The following TAF4B variants were observed in gnomAD, a reference collection of about 807,000 sequenced individuals.
The protein encoded by TAF4B is transcription initiation factor TFIID subunit 4B.
TAF4B carries 38 observed loss-of-function variants against 86.4 expected under a neutral mutation model. That is an observed-to-expected ratio of 0.44 (90% confidence interval 0.34 to 0.58). The LOEUF (loss-of-function observed/expected upper bound fraction) is 0.58. Ranked by LOEUF, TAF4B falls within the 20% of genes least tolerant of loss-of-function variation. The pLI is 0.02. For synonymous variants in TAF4B, 388 were observed against 391.2 expected, an observed-to-expected ratio of 0.99 and a Z score of 0.10; for missense variants, 988 against 1,027.6, an observed-to-expected ratio of 0.96 and a Z score of 0.53.
intron 13 of TAF4B, among the ~76,000 whole-genome samples, chr18:26,355,069 G>A (rs2057277026): frequency 6.6e-6 from 1 of 152,000 alleles, no homozygotes; most frequent in African/African-American, 2.4e-5. Context: ...TCTTTCATAG[G>A]CATTTTGTGA....
Position 26,226,891 on chromosome 18 carries a change from T to C in TAF4B, c.-43T>C, listed in dbSNP as rs2055583350. On this transcript the variant is annotated 5_prime_UTR_variant, in exon 1 of 15. Transcript: ENST00000269142. ...GCGCCAAGCCTCCCCTCACCTCTGC[T>C]CCCGGAACCGCAGCGCCAAAGCTGC... 2.2e-6 allele frequency: 3 copies of C among 1,338,142 alleles called. No homozygotes were observed. The highest frequency in any genetic ancestry group is 2.9e-6 in the Non-Finnish European group (3 of 1,049,560). 82.9% of individuals were successfully genotyped at this position (1,338,142 alleles called of 1,614,324 possible).
At chr18:26,303,340 C>T (rs1347011520) in intron 9 of TAF4B, among the ~76,000 whole-genome samples, 2 of 138,482 alleles carry the variant, frequency 1.4e-5, no homozygotes, top group African/African-American at 5.4e-5. Flanking sequence ...ACCTCCTCCA[C>T]TTTCATACCC....
At chr18:26,276,654 A>G (rs545226146) in intron 5 of TAF4B, among the ~76,000 whole-genome samples, 1 of 152,288 alleles carries the variant, frequency 6.6e-6, no homozygotes, top group African/African-American at 2.4e-5. Context: ...TTTATTACAG[A>G]TGTCTAAAAT....
intron 1 of TAF4B, among the ~76,000 whole-genome samples, chr18:26,234,910 G>GA (rs1315180286): frequency 6.6e-6 from 1 of 152,218 alleles, no homozygotes; most frequent in Non-Finnish European, 1.5e-5. Flanking sequence ...TCCAGACAGT[G>GA]AGATCCTTTC....
intron 1 of TAF4B, among the ~76,000 whole-genome samples, chr18:26,235,405 A>G (rs1202154216): frequency 6.6e-6 from 1 of 152,180 alleles, no homozygotes; most frequent in Non-Finnish European, 1.5e-5. Flanking sequence ...GGCTAAGATT[A>G]GGCGTAGATA....
chr18:26,315,541 TA>T, intron 10 of TAF4B, 143 bp downstream of exon 10: 1 of 527,692 alleles, frequency 1.9e-6, no homozygotes, highest in Non-Finnish European at 3.1e-6. Flanking sequence ...TCATGGGCAT[TA>T]CAGAAAGAAG....
At chr18:26,246,273 T>C (rs2055922645) in intron 1 of TAF4B, among the ~76,000 whole-genome samples, 1 of 152,206 alleles carries the variant, frequency 6.6e-6, no homozygotes, top group Admixed American at 6.5e-5. Flanking sequence ...TGAATGACTA[T>C]GTCTAAGAAG....
intron 1 of TAF4B, among the ~76,000 whole-genome samples, chr18:26,236,435 T>C (rs1349868410): frequency 6.6e-6 from 1 of 152,188 alleles, no homozygotes. Flanking sequence ...GTGAGGATGA[T>C]GACATGAGCT....
intron 1 of TAF4B, among the ~76,000 whole-genome samples, chr18:26,252,682 C>T (rs1036462397): frequency 2.0e-5 from 3 of 152,024 alleles, no homozygotes; most frequent in Non-Finnish European, 4.4e-5. Flanking sequence ...TGTTATAGTA[C>T]ACAGTATTAC....
chr18:26,296,643 C>T (rs966815046), intron 9 of TAF4B, among the ~76,000 whole-genome samples: 1 of 152,066 alleles, frequency 6.6e-6, no homozygotes, highest in African/African-American at 2.4e-5. Flanking sequence ...AAAGCTAAAC[C>T]CATGTACCAA....
At chr18:26,265,556 A>C (rs1047757458) in intron 2 of TAF4B, among the ~76,000 whole-genome samples, 1 of 152,166 alleles carries the variant, frequency 6.6e-6, no homozygotes, top group Non-Finnish European at 1.5e-5. Context: ...TCAGAGGGCT[A>C]TCTGCATCTT....
intron 2 of TAF4B, among the ~76,000 whole-genome samples, chr18:26,265,755 C>T (rs1004663685): frequency 5.9e-5 from 9 of 152,132 alleles, no homozygotes; most frequent in Admixed American, 6.5e-5. Context: ...GGTAGCATGT[C>T]GCTTTGTTGC....
intron 9 of TAF4B, chr18:26,295,227 A>G: frequency 2.4e-6 from 1 of 411,028 alleles, no homozygotes; most frequent in Non-Finnish European, 4.9e-6. Context: ...TAAAATGTTC[A>G]CCATCGGTCT....
intron 3 of TAF4B, among the ~76,000 whole-genome samples, chr18:26,269,599 C>T (rs190577228): frequency 1.3e-5 from 2 of 152,146 alleles, no homozygotes; most frequent in East Asian, 1.9e-4. Context: ...ATACTGCTCA[C>T]GTTCTTTTCA....
intron 14 of TAF4B, among the ~76,000 whole-genome samples, chr18:26,387,307 G>A (rs148675219): frequency 1.3e-5 from 2 of 152,098 alleles, no homozygotes; most frequent in African/African-American, 2.4e-5. Context: ...GACCTCAAGC[G>A]ATTTGCTTGC....
rs529153075 is a variant in TAF4B at position 26,352,473 on chromosome 18, C to T, written c.2317-5217C>T. Among the ~76,000 whole-genome samples the T allele has an allele frequency of 1.7e-3, 256 of 152,106 alleles. 1 individual carries two copies. The highest frequency in any genetic ancestry group is 3.8e-4 in the Non-Finnish European group (26 of 67,994). On this transcript the variant is annotated intron_variant, in intron 13 of 14. Coordinates refer to ENST00000269142, the MANE Select transcript of TAF4B (RefSeq NM_005640.3). ...TAATCAATGACTTTGGAAAAAAGTTCCCAGAAGCTGGTTCTTTGATCAACA... is the reference window on the plus strand; with the variant it reads ...TAATCAATGACTTTGGAAAAAAGTTTCCAGAAGCTGGTTCTTTGATCAACA...
At chr18:26,264,904 G>A (rs1402310847) in intron 1 of TAF4B, among the ~76,000 whole-genome samples, 1 of 152,094 alleles carries the variant, frequency 6.6e-6, no homozygotes, top group Non-Finnish European at 1.5e-5. Context: ...CTTAATTACT[G>A]TAGCTTTATA....
intron 1 of TAF4B, among the ~76,000 whole-genome samples, chr18:26,248,039 C>T (rs1296924563): frequency 9.7e-6 from 1 of 103,428 alleles, no homozygotes; most frequent in African/African-American, 3.9e-5. Context: ...CTATGCCCAG[C>T]TAATTTTTTT....
chr18:26,286,170 A>C lies in TAF4B; in HGVS notation c.1261A>C (p.Thr421Pro). The change falls in exon 7 of 15, where the codon ACA becomes CCA. Residue 421 changes from threonine to proline, a missense_variant. Around this residue, in one of 3 missense-constraint regions of TAF4B, gnomAD observed 747 missense variants for 737.9 expected, o/e 1.01. Transcript: ENST00000269142. The part of the protein sequence containing the change: ...TLHSVGPTAA[T>P]GGTTAGTGLL... ...TCATTCTGTGGGCCCAACTGCTGCAACAGGAGGAACAACAGCTGGAACTGG... is the reference window on the plus strand; with the variant it reads ...TCATTCTGTGGGCCCAACTGCTGCACCAGGAGGAACAACAGCTGGAACTGG... 6.2e-7 allele frequency: 1 copy of C among 1,614,254 alleles called. No individual in the cohort carries two copies. The highest frequency in any genetic ancestry group is 8.5e-7 in the Non-Finnish European group (1 of 1,180,038).
Sources: gnomAD v4.1 joint callset for allele counts (sites outside exome capture counted in the v4.1 genomes callset) on GRCh38, gnomAD v4.1.1 for gene constraint, gnomAD v4.1.1 regional missense constraint, MANE v1.5 for transcripts, NCBI Gene and HGNC (gene_info 2026-07-23, HGNC 2026-07-21) for gene names.